Variants in TUSC3 observed in about 807,000 individuals in gnomAD.
TUSC3 encodes tumor suppressor candidate 3, also known as dolichyl-diphosphooligosaccharide--protein glycosyltransferase subunit TUSC3.
A neutral mutation model predicts 44.8 loss-of-function variants in TUSC3; 45 were observed. The observed-to-expected ratio is 1.00, with a 90% CI of 0.79 to 1.29. The LOEUF (loss-of-function observed/expected upper bound fraction) is 1.29, where lower values mean the gene tolerates loss of function less well. Ranked by LOEUF, TUSC3 falls within the 50% of genes most tolerant of loss-of-function variation. The probability of loss-of-function intolerance (pLI) is 0.00; values close to 1 mark genes in which losing one functional copy is unlikely to be tolerated. For missense variants in TUSC3, 519 were observed against 437.9 expected (o/e 1.19, Z -1.65); for synonymous variants, 212 against 152.9 (o/e 1.39, Z -2.85).
At chr8:15,749,506 A>G (rs1563204462) in intron 9 of TUSC3, among the ~76,000 whole-genome samples, 1 of 152,106 alleles carries the variant, frequency 6.6e-6, no homozygotes, top group Non-Finnish European at 1.5e-5. Context: ...TTAAAAATAA[A>G]TATACCAAGG....
intron 10 of TUSC3, among the ~76,000 whole-genome samples, chr8:15,758,578 T>G (rs537182038): frequency 6.6e-6 from 1 of 152,098 alleles, no homozygotes; most frequent in East Asian, 1.9e-4. Flanking sequence ...TACAGCCTTC[T>G]TACTCTGGCA....
chr8:15,477,818 T>C (rs1226120425), intron 1 of TUSC3, among the ~76,000 whole-genome samples: 1 of 152,196 alleles, frequency 6.6e-6, no homozygotes, highest in Non-Finnish European at 1.5e-5. Context: ...TGTGATGGTA[T>C]TGAATAGATT....
chr8:15,449,691 G>T (rs548987618), intron 1 of TUSC3, among the ~76,000 whole-genome samples: 2 of 152,222 alleles, frequency 1.3e-5, no homozygotes, highest in Non-Finnish European at 2.9e-5. Flanking sequence ...CCCTTTGATC[G>T]CAAGGAGTCC....
intron 6 of TUSC3, among the ~76,000 whole-genome samples, chr8:15,695,939 A>C (rs188709487): frequency 1.3e-5 from 2 of 152,318 alleles, no homozygotes; most frequent in East Asian, 3.9e-4. Context: ...AAACGCATTC[A>C]GTTTTATAAG....
intron 2 of TUSC3, among the ~76,000 whole-genome samples, chr8:15,640,569 A>G (rs770980010): frequency 4.5e-4 from 68 of 152,168 alleles, no homozygotes; most frequent in Non-Finnish European, 7.5e-4. Flanking sequence ...AGTTTTTCAG[A>G]TCTGTAGAAT....
chr8:15,752,730 C>T (rs1448963002), intron 9 of TUSC3, among the ~76,000 whole-genome samples: 2 of 151,942 alleles, frequency 1.3e-5, no homozygotes, highest in African/African-American at 4.8e-5. Flanking sequence ...TCGTATATTC[C>T]TATAAGTAGA....
chr8:15,584,067 C>T (rs1231572161), intron 1 of TUSC3, among the ~76,000 whole-genome samples: 2 of 152,242 alleles, frequency 1.3e-5, no homozygotes, highest in South Asian at 2.1e-4. Flanking sequence ...TCAAACACAG[C>T]AGCTTAACTG....
intron 2 of TUSC3, among the ~76,000 whole-genome samples, chr8:15,647,570 T>A (rs1043724817): frequency 4.6e-5 from 7 of 152,186 alleles, no homozygotes; most frequent in African/African-American, 1.7e-4. Context: ...ACAGCTTCTT[T>A]ACGTCTTCTC....
intron 2 of TUSC3, among the ~76,000 whole-genome samples, chr8:15,527,613 C>T (rs915829683): frequency 5.9e-5 from 9 of 152,038 alleles, no homozygotes; most frequent in Non-Finnish European, 2.9e-5. Flanking sequence ...CTGTGTTGAC[C>T]AGGCTGTTCT....
chr8:15,507,800 A>T (rs1367561240), intron 2 of TUSC3, among the ~76,000 whole-genome samples: 1 of 152,178 alleles, frequency 6.6e-6, no homozygotes, highest in Non-Finnish European at 1.5e-5. Flanking sequence ...TGTAAGGAAA[A>T]AACTATAGTT....
chr8:15,647,802 A>T (rs554824659), intron 2 of TUSC3, among the ~76,000 whole-genome samples: 1 of 152,344 alleles, frequency 6.6e-6, no homozygotes, highest in African/African-American at 2.4e-5. Context: ...TGCAATTTTA[A>T]ATAGAAAATA....
the TUSC3 span, among the ~76,000 whole-genome samples, chr8:15,775,657 CATAT>C: frequency 6.8e-6 from 1 of 147,504 alleles, no homozygotes; most frequent in Non-Finnish European, 1.5e-5. Context: ...TATACACACA[CATAT>C]ACATATATAC....
At chr8:15,631,487 C>T (rs989770734) in intron 2 of TUSC3, among the ~76,000 whole-genome samples, 3 of 152,136 alleles carry the variant, frequency 2.0e-5, no homozygotes, top group East Asian at 1.9e-4. Context: ...CAGTGGACAC[C>T]TGTGCTACCC....
intron 6 of TUSC3, among the ~76,000 whole-genome samples, 160 bp downstream of exon 6, chr8:15,673,996 A>G (rs895344594): frequency 2.1e-5 from 3 of 142,046 alleles, no homozygotes; most frequent in African/African-American, 7.4e-5. Flanking sequence ...ACACATGTGC[A>G]TACACACACA....
downstream of TUSC3, among the ~76,000 whole-genome samples, chr8:15,768,744 C>G (rs1343681828): frequency 6.6e-6 from 1 of 152,140 alleles, no homozygotes; most frequent in Non-Finnish European, 1.5e-5. Context: ...TCAGAAAAGT[C>G]TCAGGATACA....
At chr8:15,769,708 T>C (rs1237086788), downstream of TUSC3, among the ~76,000 whole-genome samples, 1 of 152,120 alleles carries the variant, frequency 6.6e-6, no homozygotes, top group East Asian at 1.9e-4. Flanking sequence ...ATCCAGAATC[T>C]ACAAAGAACT....
chr8:15,439,381 C>A (rs1799992250), intron 1 of TUSC3, among the ~76,000 whole-genome samples: 1 of 152,104 alleles, frequency 6.6e-6, no homozygotes, highest in African/African-American at 2.4e-5. Flanking sequence ...GCCTGGGCAA[C>A]ACAGTGAGTC....
chr8:15,606,393 C>T (rs1804528375), intron 1 of TUSC3, among the ~76,000 whole-genome samples: 1 of 151,976 alleles, frequency 6.6e-6, no homozygotes, highest in South Asian at 2.1e-4. Flanking sequence ...GGTAAGGCTT[C>T]TGGTCAGCAG....
At chr8:15,669,103 G>A (rs1400391939) in intron 5 of TUSC3, among the ~76,000 whole-genome samples, 1 of 151,742 alleles carries the variant, frequency 6.6e-6, no homozygotes, top group East Asian at 1.9e-4. Context: ...ATCCAGCCAT[G>A]GCTCAGTACA....
Sources: allele counts gnomAD v4.1 joint callset (sites outside exome capture counted in the v4.1 genomes callset), GRCh38; gene constraint gnomAD v4.1.1; transcripts MANE v1.5; gene names NCBI Gene and HGNC (gene_info 2026-07-23, HGNC 2026-07-21).